KCTD10: variants seen among roughly 807,000 people sequenced by gnomAD.
KCTD10 encodes the protein potassium channel tetramerization domain containing 10.
In KCTD10, 13 loss-of-function variants were observed where a neutral mutation model predicts 34.6. The ratio of observed to expected loss-of-function variants is 0.38; its 90% confidence interval spans 0.24 to 0.60. KCTD10 has a LOEUF of 0.60. Ranked by LOEUF, KCTD10 falls within the 20% of genes least tolerant of loss-of-function variation. KCTD10 has a pLI of 0.66. For synonymous variants in KCTD10, 156 were observed against 168.8 expected (o/e 0.92, Z 0.59); for missense variants, 256 against 420.3 (o/e 0.61, Z 3.42).
intron 2 of KCTD10, 87 bp downstream of exon 2, chr12:109,469,428 T>G: frequency 1.3e-6 from 2 of 1,501,764 alleles, no homozygotes; most frequent in Non-Finnish European, 1.8e-6. Flanking sequence ...CATCTTCAGG[T>G]CTCGACTTAA....
chr12:109,461,108 G>C (rs7969549), intron 2 of KCTD10, among the ~76,000 whole-genome samples: 35,048 of 152,218 alleles, frequency 0.23, 4,260 homozygotes, highest in Middle Eastern at 0.28. Context: ...CCTTACACAA[G>C]GACATCCAAC....
Position 109,455,041 on chromosome 12 carries a change from GA to G in KCTD10, c.723+1076del, listed in dbSNP as rs111648092. Among the ~76,000 whole-genome samples, 932 of 140,428 alleles carry G rather than the reference GA, an allele frequency of 6.6e-3. 12 individuals are homozygous for G. The highest frequency in any genetic ancestry group is 0.021 in the African/African-American group (813 of 38,504). 92.1% of individuals were successfully genotyped at this position (140,428 alleles called of 152,430 possible). A position where few individuals can be genotyped will look rare whatever the true frequency, so the allele number is the denominator to read the frequency against. The stretch of plus-strand genomic sequence containing the variant: ...AATTACAGGAAGAATTCACAGCCCT[GA>G]AAAAAAAAAAACAGTTCACAGGAGA... On this transcript the variant is annotated intron_variant, in intron 6 of 6. Transcript: ENST00000228495.
intron 1 of KCTD10, among the ~76,000 whole-genome samples, chr12:109,474,927 G>A (rs1482265777): frequency 3.9e-5 from 6 of 152,222 alleles, no homozygotes; most frequent in East Asian, 1.9e-4. Context: ...TAAGGAAAAC[G>A]GGATAGTCTC....
At position 109,457,630 on chromosome 12, in the gene KCTD10, C is replaced by T; in HGVS notation, c.527G>A (p.Ser176Asn). The T allele has an allele frequency of 6.2e-7, 1 of 1,614,100 alleles. No individual in the cohort carries two copies. The highest frequency in any genetic ancestry group is 8.5e-7 in the Non-Finnish European group (1 of 1,179,940). The change falls in exon 5 of 7, where the codon AGC becomes AAC. Residue 176 changes from serine to asparagine, a missense_variant and splice_region_variant. By Grantham distance (46) the Ser-to-Asn change is conservative. This residue lies in a region of KCTD10 where 41 missense variants were observed against 124.2 expected (regional missense o/e 0.33). Transcript: ENST00000228495. ...NRSNNKYSYT[S>N]NSDDNMLKNI... The stretch of plus-strand genomic sequence containing the variant: ...CTGTCTTTCCCGGCTGACGCCTTAC[C>T]TGGTATATGAGTATTTGTTGTTACT...
intron 3 of KCTD10, chr12:109,459,027 A>G (rs549949881): frequency 6.6e-6 from 1 of 152,442 alleles, no homozygotes; most frequent in Non-Finnish European, 1.5e-5. Flanking sequence ...GAACAAAACC[A>G]AAACAAAGAC....
At chr12:109,464,903 G>A in intron 2 of KCTD10, 1 of 454,262 alleles carries the variant, frequency 2.2e-6, no homozygotes, top group Non-Finnish European at 4.4e-6. Context: ...TAAGGAAGTA[G>A]AAGATGCTGT....
At chr12:109,459,838 G>C (rs954965984) in intron 3 of KCTD10, among the ~76,000 whole-genome samples, 1 of 152,248 alleles carries the variant, frequency 6.6e-6, no homozygotes, top group African/African-American at 2.4e-5. Context: ...GGGTGAAGGA[G>C]AGTAGGAGGG....
intron 1 of KCTD10, among the ~76,000 whole-genome samples, chr12:109,475,991 T>G (rs1239800267): frequency 2.6e-5 from 4 of 152,234 alleles, no homozygotes; most frequent in African/African-American, 9.6e-5. Flanking sequence ...CCCACTTTTT[T>G]GGGGAGAAAA....
chr12:109,476,640 G>A (rs1044469958), intron 1 of KCTD10, among the ~76,000 whole-genome samples: 7 of 152,162 alleles, frequency 4.6e-5, no homozygotes, highest in Middle Eastern at 3.4e-3. Context: ...CAGGCCCCTG[G>A]CATCTCTCCC....
At chr12:109,476,095 T>C (rs1174993581) in intron 1 of KCTD10, among the ~76,000 whole-genome samples, 1 of 152,210 alleles carries the variant, frequency 6.6e-6, no homozygotes, top group African/African-American at 2.4e-5. Context: ...TCTAATCCCT[T>C]GCAGGGCTTG....
intron 5 of KCTD10, 93 bp downstream of exon 5, chr12:109,457,537 C>T (rs1408314046): frequency 9.4e-7 from 1 of 1,066,416 alleles, no homozygotes; most frequent in Non-Finnish European, 1.5e-6. Context: ...AGGGGTCATC[C>T]TCATCTGAAG....
At chr12:109,475,316 TA>T (rs940799014) in intron 1 of KCTD10, among the ~76,000 whole-genome samples, 12 of 146,880 alleles carry the variant, frequency 8.2e-5, no homozygotes, top group East Asian at 2.0e-4. Context: ...ACAAAAAAAT[TA>T]AAAAAAAAAA....
rs777639871 is a variant in KCTD10 at position 109,456,172 on chromosome 12, A to T, written c.669T>A (p.Ile223=). The change falls in exon 6 of 7, where the codon ATT becomes ATA. Residue 223 remains isoleucine (I), a synonymous_variant. Transcript: ENST00000228495. ...CWSFYGQGRK[I]AEVCCTSIVY... ...CGATGGAGGTACAACAGACTTCAGC[A>T]ATCTTCCGGCCCTGACCATAAAAGG... The T allele has an allele frequency of 5.0e-6, 8 of 1,614,194 alleles. No homozygotes were observed. The Admixed American group carries it at 1.0e-4, about 20-fold the overall frequency.
Position 109,456,118 on chromosome 12 carries a change from C to T in KCTD10, c.723G>A (p.Lys241=). 6.2e-7 allele frequency: 1 copy of T among 1,614,126 alleles called. No individual in the cohort carries two copies. ...IVYATEKKQT[K]VEFPEARIYE... ...CAAACTGTCCTCTCGAGGCTCTTAC[C>T]TTGGTCTGTTTCTTCTCAGTGGCAT... The change falls in exon 6 of 7, where the codon AAG becomes AAA. Residue 241 remains lysine, a splice_region_variant and synonymous_variant. Coordinates refer to ENST00000228495, the MANE Select transcript of KCTD10 (RefSeq NM_031954.5).
intron 4 of KCTD10, 104 bp from the exon 5 acceptor site, chr12:109,457,786 G>T: frequency 8.0e-7 from 1 of 1,252,362 alleles, no homozygotes; most frequent in Non-Finnish European, 1.2e-6. Context: ...ATCAGAAGAG[G>T]CAGACAAGCA....
chr12:109,475,279 G>A (rs1388506829), intron 1 of KCTD10, among the ~76,000 whole-genome samples: 3 of 151,734 alleles, frequency 2.0e-5, no homozygotes, highest in African/African-American at 7.3e-5. Flanking sequence ...TTCGAGACCA[G>A]CCTGAGCAAC....
Position 109,456,257 on chromosome 12 carries a change from C to G in KCTD10, c.584G>C (p.Arg195Pro). The G allele has an allele frequency of 6.2e-7, 1 of 1,614,168 alleles. No individual in the cohort carries two copies. Among genetic ancestry groups the G allele is most frequent in the Non-Finnish European group, 8.5e-7 (1 of 1,180,032 alleles). ...NIELFDKLSL[R>P]FNGRVLFIKD... Reference sequence around the variant, plus strand: ...TATGAACAGGACCCTTCCGTTAAAGCGCAGAGACAGCTTATCAAACAGTTC... The same window carrying G: ...TATGAACAGGACCCTTCCGTTAAAGGGCAGAGACAGCTTATCAAACAGTTC... The change falls in exon 6 of 7, where the codon CGC becomes CCC. Residue 195 changes from arginine (R) to proline (P), a missense_variant. Around this residue, in one of 3 missense-constraint regions of KCTD10, gnomAD observed 41 missense variants for 124.2 expected, o/e 0.33. Coordinates refer to ENST00000228495, the MANE Select transcript of KCTD10 (RefSeq NM_031954.5).
intron 1 of KCTD10, 27 bp downstream of exon 1, chr12:109,477,233 C>T (rs1874427598): frequency 1.2e-6 from 2 of 1,613,778 alleles, no homozygotes; most frequent in African/African-American, 1.3e-5. Context: ...CCCTCAACCC[C>T]TAGTCCATGG....
intron 6 of KCTD10, among the ~76,000 whole-genome samples, chr12:109,452,229 A>G (rs1872809095): frequency 6.6e-6 from 1 of 152,214 alleles, no homozygotes; most frequent in South Asian, 2.1e-4. Flanking sequence ...AAGGAATTAT[A>G]AATACGACAA....
Sources: gnomAD v4.1 joint callset for allele counts (sites outside exome capture counted in the v4.1 genomes callset) on GRCh38, gnomAD v4.1.1 for gene constraint, gnomAD v4.1.1 regional missense constraint, MANE v1.5 for transcripts, NCBI Gene and HGNC (gene_info 2026-07-23, HGNC 2026-07-21) for gene names.